Variants in CCDC148 observed in about 807,000 individuals in gnomAD.
The protein encoded by CCDC148 is coiled-coil domain-containing protein 148.
A neutral mutation model predicts 85.7 loss-of-function variants in CCDC148; 89 were observed. The observed-to-expected ratio is 1.04, with a 90% CI of 0.87 to 1.24. CCDC148 has a LOEUF of 1.24. Ranked by LOEUF, CCDC148 falls within the 50% of genes most tolerant of loss-of-function variation. The probability of loss-of-function intolerance (pLI) is 0.00; values close to 1 mark genes in which losing one functional copy is unlikely to be tolerated. For missense variants in CCDC148, 692 were observed against 671.7 expected (o/e 1.03, Z -0.33); for synonymous variants, 230 against 213.9 (o/e 1.08, Z -0.66).
intron 11 of CCDC148, among the ~76,000 whole-genome samples, chr2:158,206,696 A>G (rs1400777145): frequency 6.6e-6 from 1 of 152,234 alleles, no homozygotes; most frequent in Non-Finnish European, 1.5e-5. Flanking sequence ...TGGTTTGGCC[A>G]GTAGATTAGG....
At chr2:158,177,613 A>C (rs1401739872) in intron 12 of CCDC148, among the ~76,000 whole-genome samples, 1 of 152,172 alleles carries the variant, frequency 6.6e-6, no homozygotes, top group Non-Finnish European at 1.5e-5. Context: ...TGTGTTCAGT[A>C]ATAGTGACAT....
intron 9 of CCDC148, 80 bp from the exon 10 acceptor site, chr2:158,250,992 A>C: frequency 1.5e-6 from 2 of 1,292,364 alleles, no homozygotes; most frequent in Non-Finnish European, 2.1e-6. Context: ...ACTAGGCTCT[A>C]TATCAAGCAG....
chr2:158,378,703 G>C (rs1209118904), intron 1 of CCDC148, among the ~76,000 whole-genome samples: 1 of 151,976 alleles, frequency 6.6e-6, no homozygotes, highest in African/African-American at 2.4e-5. Flanking sequence ...AAAATCCTGG[G>C]GCTCTTAAGA....
chr2:158,214,074 A>T (rs1465714774), intron 11 of CCDC148, among the ~76,000 whole-genome samples: 1 of 145,046 alleles, frequency 6.9e-6, no homozygotes, highest in African/African-American at 2.5e-5. Context: ...AGGAACTTGG[A>T]GCATAGAGTT....
Position 158,178,979 on chromosome 2 carries a change from T to G in CCDC148, c.1388A>C (p.Glu463Ala). ...CTCCATCAAACGCCTTTCCAATAATTCTTGTCTATATTTAACCCTTTAAAA... is the reference window on the plus strand; with the variant it reads ...CTCCATCAAACGCCTTTCCAATAATGCTTGTCTATATTTAACCCTTTAAAA... ...KDRERVKYRQELLERRLMEKK... is the reference protein window; with the variant it reads ...KDRERVKYRQALLERRLMEKK... The change falls in exon 12 of 14, where the codon GAA becomes GCA. Residue 463 changes from glutamate to alanine, a missense_variant. By Grantham distance (107) the Glu-to-Ala change is moderately radical. Coordinates refer to ENST00000283233, the MANE Select transcript of CCDC148 (RefSeq NM_138803.4). 6.2e-7 allele frequency: 1 copy of G among 1,612,768 alleles called. No homozygotes were observed. The highest frequency in any genetic ancestry group is 8.5e-7 in the Non-Finnish European group (1 of 1,179,226).
In CCDC148 at chr2:158,411,067, A is replaced by G. The variant is rs145883127; in HGVS notation, c.25+45348T>C. On this transcript the variant is annotated intron_variant, in intron 1 of 13. Transcript: ENST00000283233. ...GGTTTCTTCTAAGAAGTCTACTGGT[A>G]TACTTATGGAGTTCTCTTATATGTG... 4.6e-3 allele frequency among the ~76,000 whole-genome samples: 707 copies of G among 152,266 alleles called. 1 individual carries two copies. The highest frequency in any genetic ancestry group is 0.015 in the African/African-American group (642 of 41,552).
chr2:158,340,634 T>G lies in CCDC148; in HGVS notation c.298A>C (p.Ile100Leu), dbSNP rs1487739199. The change falls in exon 4 of 14, where the codon ATT becomes CTT. Residue 100 changes from isoleucine to leucine, a missense_variant. Transcript: ENST00000283233. The stretch of plus-strand genomic sequence containing the variant: ...AGGTCACAAAGACATTCATTTCCAA[T>G]GTTCTCTTCATTGAGAAGGGATTTT... ...EIKSLLNEENIGNECLCDLTN... is the reference protein window; with the variant it reads ...EIKSLLNEENLGNECLCDLTN... The G allele has an allele frequency of 2.5e-6, 4 of 1,591,872 alleles. No homozygotes were observed. The highest frequency in any genetic ancestry group is 3.4e-6 in the Non-Finnish European group (4 of 1,166,572).
At chr2:158,341,306 C>T (rs954775850) in intron 3 of CCDC148, among the ~76,000 whole-genome samples, 2 of 97,500 alleles carry the variant, frequency 2.1e-5, no homozygotes, top group East Asian at 7.7e-4. Flanking sequence ...TGTGTACATA[C>T]ATATTTTTTT....
At chr2:158,444,204 C>CATAT (rs145392415) in intron 1 of CCDC148, among the ~76,000 whole-genome samples, 1 of 151,750 alleles carries the variant, frequency 6.6e-6, no homozygotes, top group Admixed American at 6.6e-5. Context: ...CATACACACA[C>CATAT]ATATATATAT....
intron 5 of CCDC148, among the ~76,000 whole-genome samples, 182 bp from the exon 6 acceptor site, chr2:158,339,267 G>C (rs924725232): frequency 6.6e-6 from 1 of 152,060 alleles, no homozygotes; most frequent in African/African-American, 2.4e-5. Context: ...CTGTGATAAG[G>C]CTTCTAGACA....
chr2:158,305,055 G>A (rs1691618498), intron 9 of CCDC148, among the ~76,000 whole-genome samples: 1 of 152,080 alleles, frequency 6.6e-6, no homozygotes, highest in South Asian at 2.1e-4. Context: ...AAAAATATCA[G>A]AGTCAGGGTA....
At chr2:158,266,595 A>T (rs1244179449) in intron 9 of CCDC148, among the ~76,000 whole-genome samples, 1 of 151,998 alleles carries the variant, frequency 6.6e-6, no homozygotes, top group East Asian at 1.9e-4. Context: ...AGTGAACCCA[A>T]TTTGTAGTCC....
At chr2:158,368,081 T>C (rs1196523321) in intron 1 of CCDC148, among the ~76,000 whole-genome samples, 1 of 152,136 alleles carries the variant, frequency 6.6e-6, no homozygotes, top group Non-Finnish European at 1.5e-5. Context: ...GTTTATTTCA[T>C]AATTAATACA....
chr2:158,279,115 A>G (rs1223959413), intron 9 of CCDC148, among the ~76,000 whole-genome samples: 2 of 152,216 alleles, frequency 1.3e-5, no homozygotes, highest in South Asian at 2.1e-4. Context: ...CATCCACACC[A>G]AAAACCCATC....
intron 1 of CCDC148, among the ~76,000 whole-genome samples, chr2:158,408,193 G>A (rs566327864): frequency 6.6e-5 from 10 of 152,086 alleles, no homozygotes; most frequent in Admixed American, 2.6e-4. Flanking sequence ...TCTAATTAAC[G>A]TATCTATCAC....
chr2:158,242,864 T>C (rs1256027189), intron 10 of CCDC148, among the ~76,000 whole-genome samples: 4 of 152,102 alleles, frequency 2.6e-5, no homozygotes, highest in African/African-American at 9.7e-5. Context: ...ATCATTTCAG[T>C]ACCATGGATG....
chr2:158,455,201 G>A (rs1431879987), intron 1 of CCDC148, among the ~76,000 whole-genome samples: 4 of 152,202 alleles, frequency 2.6e-5, no homozygotes, highest in South Asian at 2.1e-4. Flanking sequence ...TTAAAAAGCC[G>A]GAAGAAGTAA....
chr2:158,427,349 G>C (rs570533363), intron 1 of CCDC148, among the ~76,000 whole-genome samples: 5 of 152,198 alleles, frequency 3.3e-5, no homozygotes, highest in Admixed American at 1.3e-4. Flanking sequence ...CTAGTGCTGA[G>C]GACATGGATC....
At chr2:158,431,891 T>C (rs890537119) in intron 1 of CCDC148, among the ~76,000 whole-genome samples, 1 of 151,944 alleles carries the variant, frequency 6.6e-6, no homozygotes, top group Non-Finnish European at 1.5e-5. Flanking sequence ...GAGTCAAGAT[T>C]GTGCCACTGC....
Sources: gnomAD v4.1 joint callset for allele counts (sites outside exome capture counted in the v4.1 genomes callset) on GRCh38, gnomAD v4.1.1 for gene constraint, MANE v1.5 for transcripts, NCBI Gene and HGNC (gene_info 2026-07-23, HGNC 2026-07-21) for gene names.